Variants in NMRK2 observed in about 807,000 individuals in gnomAD.
NMRK2 encodes NRK 2.
In NMRK2, 34 loss-of-function variants were observed where a neutral mutation model predicts 24.7. The ratio of observed to expected loss-of-function variants is 1.37; its 90% CI spans 1.05 to 1.83. The LOEUF (loss-of-function observed/expected upper bound fraction) is 1.83, where lower values mean the gene tolerates loss of function less well. NMRK2 is among the 40% of genes most tolerant of loss of function. The probability of loss-of-function intolerance (pLI) is 0.00; values close to 1 mark genes in which losing one functional copy is unlikely to be tolerated. For synonymous variants in NMRK2, 145 were observed against 125.6 expected (o/e 1.15, Z -1.03); for missense variants, 341 against 315.0 (o/e 1.08, Z -0.62).
chr19:3,936,681 C>G lies in NMRK2; in HGVS notation c.117+16C>G. 3 of 1,545,282 alleles carry G rather than the reference C, an allele frequency of 1.9e-6. No individual in the cohort carries two copies. Among genetic ancestry groups the G allele is most frequent in the East Asian group, 2.4e-5 (1 of 41,276 alleles). On this transcript the variant is annotated intron_variant, in intron 3 of 7. Transcript: ENST00000168977. ...CTTCTTCAAGGTGCCCGCCCTTGCC[C>G]GGGGAGGTGGAGCTGAGAGGGGATG...
At position 3,939,940 on chromosome 19, in the gene NMRK2, G is replaced by A. The variant is rs144659918; in HGVS notation, c.364G>A (p.Val122Ile). The change falls in exon 6 of 8, where the codon GTC becomes ATC. Residue 122 changes from valine to isoleucine, a missense_variant. Val to Ile is a conservative substitution (Grantham distance 29). Coordinates refer to ENST00000168977, the MANE Select transcript of NMRK2 (RefSeq NM_170678.3). ...DLYSRRYFLTVPYEECKWRRS... is the reference protein window; with the variant it reads ...DLYSRRYFLTIPYEECKWRRS... Reference sequence around the variant, plus strand: ...GTACAGCCGCCGGTACTTCCTGACCGTCCCGTATGAAGAGTGCAAGTGGAG... The same window carrying A: ...GTACAGCCGCCGGTACTTCCTGACCATCCCGTATGAAGAGTGCAAGTGGAG... 9.8e-5 allele frequency: 158 copies of A among 1,613,662 alleles called. 4 individuals are homozygous for A. Among genetic ancestry groups the A allele is most frequent in the Admixed American group, 4.2e-4 (25 of 59,966 alleles).
At chr19:3,936,687 G>C (rs750622813) in intron 3 of NMRK2, 22 bp downstream of exon 3, 1 of 1,540,406 alleles carries the variant, frequency 6.5e-7, no homozygotes. Context: ...TGCCCGGGGA[G>C]GTGGAGCTGA....
rs2039328937 is a variant in NMRK2 at position 3,941,276 on chromosome 19, GTC to G, written c.502+102_502+103del. ...TTTTTTTTTTTTTTTTCAAGACAGA[GTC>G]TCACTCTGTCACCCAGGCTGGAGTA... On this transcript the variant is annotated intron_variant, in intron 7 of 7. Transcript: ENST00000168977. 1.1e-5 allele frequency: 7 copies of G among 629,126 alleles called. No homozygotes were observed. The South Asian group carries it at 1.4e-4, about 12-fold the overall frequency. The allele number at this position is 629,126 out of a possible 1,614,324, so 39.0% of individuals were successfully genotyped here.
intron 3 of NMRK2, 53 bp from the exon 4 acceptor site, chr19:3,937,187 G>C: frequency 6.3e-7 from 1 of 1,596,016 alleles, no homozygotes; most frequent in African/African-American, 1.3e-5. Context: ...ACCCAGGCCG[G>C]GGGTGAGGCA....
Position 3,939,954 on chromosome 19 carries a change from G to A in NMRK2, c.378G>A (p.Glu126=), listed in dbSNP as rs766236376. The change falls in exon 6 of 8, where the codon GAG becomes GAA. Residue 126 remains glutamate (E), a synonymous_variant. Transcript: ENST00000168977. ...RRYFLTVPYE[E]CKWRRSTRNY... ...ACTTCCTGACCGTCCCGTATGAAGAGTGCAAGTGGAGGAGAAGGTGCACTT... is the reference window on the plus strand; with the variant it reads ...ACTTCCTGACCGTCCCGTATGAAGAATGCAAGTGGAGGAGAAGGTGCACTT... 23 of 1,612,092 alleles carry A rather than the reference G, an allele frequency of 1.4e-5. No homozygotes were observed. The highest frequency in any genetic ancestry group is 1.8e-5 in the Non-Finnish European group (21 of 1,178,450).
At chr19:3,938,199 A>AG (rs2039250819) in intron 4 of NMRK2, among the ~76,000 whole-genome samples, 2 of 35,588 alleles carry the variant, frequency 5.6e-5, no homozygotes, top group Admixed American at 3.5e-4. Flanking sequence ...CTGTTCCCCC[A>AG]GGGTCCGCCC....
intron 7 of NMRK2, 125 bp from the exon 8 acceptor site, chr19:3,941,958 C>A: frequency 1.3e-6 from 1 of 742,650 alleles, no homozygotes; most frequent in Non-Finnish European, 2.2e-6. Flanking sequence ...GCTGTTGGTC[C>A]AGGAAACTGA....
Position 3,934,554 on chromosome 19 carries a change from G to GT in NMRK2, c.26+868dup, listed in dbSNP as rs34611890. Reference sequence around the variant, plus strand: ...AATTTCATATTTTTTGTTTTTTGGGGTTTTTTTTTTTGGGGGGGGGGTGTT... The same window carrying GT: ...AATTTCATATTTTTTGTTTTTTGGGGTTTTTTTTTTTTGGGGGGGGGGTGTT... On this transcript the variant is annotated intron_variant, in intron 2 of 7. Coordinates refer to ENST00000168977, the MANE Select transcript of NMRK2 (RefSeq NM_170678.3). Among the ~76,000 whole-genome samples the GT allele has an allele frequency of 9.1e-4, 130 of 143,642 alleles. 1 individual carries two copies. Among genetic ancestry groups the GT allele is most frequent in the African/African-American group, 3.0e-3 (115 of 38,688 alleles). 94.2% of individuals were successfully genotyped at this position (143,642 alleles called of 152,430 possible). A position where few individuals can be genotyped will look rare whatever the true frequency, so the allele number is the denominator to read the frequency against.
rs2039298643 is a variant in NMRK2 at position 3,939,913 on chromosome 19, T to C, written c.337T>C (p.Leu113=). 3 of 1,613,428 alleles carry C rather than the reference T, an allele frequency of 1.9e-6. No individual in the cohort carries two copies. Among genetic ancestry groups the C allele is most frequent in the African/African-American group, 2.7e-5 (2 of 74,896 alleles). ...CACTCCGCCCAGGCCCCTGGTGGAC[T>C]TGTACAGCCGCCGGTACTTCCTGAC... ...LLYSYKPLVD[L]YSRRYFLTVP... is the part of the protein sequence containing the mutation. The change falls in exon 6 of 8, where the codon TTG becomes CTG. Residue 113 remains leucine (L), a synonymous_variant. Coordinates refer to ENST00000168977, the MANE Select transcript of NMRK2 (RefSeq NM_170678.3).
At chr19:3,933,787 C>T (rs1288768747) in intron 2 of NMRK2, 90 bp downstream of exon 2, 3 of 1,268,406 alleles carry the variant, frequency 2.4e-6, no homozygotes, top group East Asian at 3.2e-5. Context: ...TGGAGGGATG[C>T]CTGGCGCCTG....
In NMRK2 at chr19:3,933,561, A is replaced by C. The variant is rs1180153575; in HGVS notation, c.-111A>C. 45 of 1,298,736 alleles carry C rather than the reference A, an allele frequency of 3.5e-5. No individual in the cohort carries two copies. The highest frequency in any genetic ancestry group is 4.0e-5 in the Non-Finnish European group (38 of 956,940). The allele number at this position is 1,298,736 out of a possible 1,614,324, so 80.5% of individuals were successfully genotyped here. A position where few individuals can be genotyped will look rare whatever the true frequency, so the allele number is the denominator to read the frequency against. Reference sequence around the variant, plus strand: ...CGGCCTCCAGGCTGCCGAGACCTATAAAGGCGCCAGGTTTTCTCAATGAAG... The same window carrying C: ...CGGCCTCCAGGCTGCCGAGACCTATCAAGGCGCCAGGTTTTCTCAATGAAG... On this transcript the variant is annotated 5_prime_UTR_variant, in exon 2 of 8. Transcript: ENST00000168977.
rs538400581 is a variant in NMRK2, at chr19:3,942,378, G to A, written c.*105G>A. 4.4e-5 allele frequency: 44 copies of A among 993,540 alleles called. No individual in the cohort carries two copies. Among genetic ancestry groups the A allele is most frequent in the Non-Finnish European group, 5.9e-5 (40 of 683,550 alleles). The allele number at this position is 993,540 out of a possible 1,614,324, so 61.5% of individuals were successfully genotyped here. On this transcript the variant is annotated 3_prime_UTR_variant, in exon 8 of 8. Transcript: ENST00000168977. ...AGCCCCAAGACGCCTCTGTAACCTC[G>A]CTGCAGCTTCAGTAGTAAACTGGGT...
At position 3,936,622 on chromosome 19, in the gene NMRK2, C is replaced by A. The variant is rs2039218452; in HGVS notation, c.74C>A (p.Ala25Asp). Residue 25 changes from alanine (A) to aspartate (D), a missense_variant, in exon 3 of 8, where the codon GCC becomes GAC. Coordinates refer to ENST00000168977, the MANE Select transcript of NMRK2 (RefSeq NM_170678.3). Reference protein sequence around the residue: ...KTTLTNSLLRALPNCCVIHQD... With the variant: ...KTTLTNSLLRDLPNCCVIHQD... ...ACGCTGACCAACAGCCTGCTCAGAGCCCTGCCCAACTGCTGCGTGATCCAT... is the reference window on the plus strand; with the variant it reads ...ACGCTGACCAACAGCCTGCTCAGAGACCTGCCCAACTGCTGCGTGATCCAT... The A allele has an allele frequency of 6.3e-7, 1 of 1,574,904 alleles. No homozygotes were observed. The highest frequency in any genetic ancestry group is 8.6e-7 in the Non-Finnish European group (1 of 1,160,674).
Position 3,942,217 on chromosome 19 carries a change from CGCGGAT to C in NMRK2, c.642_647del (p.Cys215_Gly216del). The C allele has an allele frequency of 6.2e-7, 1 of 1,612,808 alleles. No homozygotes were observed. The highest frequency in any genetic ancestry group is 1.1e-5 in the South Asian group (1 of 91,020). On this transcript the variant is annotated inframe_deletion, in exon 8 of 8. Coordinates refer to ENST00000168977, the MANE Select transcript of NMRK2 (RefSeq NM_170678.3). ...CCCAGCCAGGACACAGGGACCCGGA[CGCGGAT>C]GCGGCCACAGAACGGCCAGGCCTGC...
In NMRK2 at chr19:3,942,269, T is replaced by C. The variant is rs775016622; in HGVS notation, c.689T>C (p.Met230Thr). ...ARPAASQQDS[M>T] Reference sequence around the variant, plus strand: ...CCTGCAGCGTCCCAGCAGGACAGCATGTGAGCGTTTCCCTATGGGGGTGTC... The same window carrying C: ...CCTGCAGCGTCCCAGCAGGACAGCACGTGAGCGTTTCCCTATGGGGGTGTC... The change falls in exon 8 of 8, where the codon ATG becomes ACG. Residue 230 changes from methionine to threonine, a missense_variant. Physicochemically the swap from Met to Thr is moderately conservative, Grantham distance 81 (BLOSUM62 -1). Coordinates refer to ENST00000168977, the MANE Select transcript of NMRK2 (RefSeq NM_170678.3). The C allele has an allele frequency of 1.0e-5, 16 of 1,605,204 alleles. 1 individual carries two copies. In the African/African-American group the frequency reaches 1.5e-4, roughly 15 times the overall value.
chr19:3,941,240 C>T (rs1170760635), intron 7 of NMRK2, 63 bp downstream of exon 7: 2 of 841,448 alleles, frequency 2.4e-6, no homozygotes, highest in Admixed American at 5.1e-5. Flanking sequence ...GGGCCCAGCC[C>T]CTCTCCATCT....
Position 3,936,560 on chromosome 19 carries a change from A to G in NMRK2, c.27-15A>G, listed in dbSNP as rs1345965706. On this transcript the variant is annotated splice_polypyrimidine_tract_variant and intron_variant, in intron 2 of 7. Transcript: ENST00000168977. ...GGGGAGCCCAGGCAGTCTCATGCAC[A>G]CGCTGTCTCCCCAGCATGACCAACG... is the stretch of plus-strand genomic sequence containing the variant. 10 of 1,537,526 alleles carry G rather than the reference A, an allele frequency of 6.5e-6. No individual in the cohort carries two copies. Among genetic ancestry groups the G allele is most frequent in the Non-Finnish European group, 7.9e-6 (9 of 1,143,888 alleles).
intron 7 of NMRK2, 149 bp from the exon 8 acceptor site, chr19:3,941,934 C>T: frequency 3.1e-6 from 2 of 635,374 alleles, no homozygotes; most frequent in Admixed American, 2.8e-5. Context: ...AGCCACCGCG[C>T]CCGGCCCCCT....
intron 2 of NMRK2, among the ~76,000 whole-genome samples, chr19:3,935,533 G>A (rs2039198931): frequency 1.3e-5 from 2 of 151,806 alleles, no homozygotes; most frequent in Non-Finnish European, 2.9e-5. Context: ...TGAGATTACA[G>A]GCATGACCCA....
Sources: allele counts gnomAD v4.1 joint callset (sites outside exome capture counted in the v4.1 genomes callset), GRCh38; gene constraint gnomAD v4.1.1; transcripts MANE v1.5; gene names NCBI Gene and HGNC (gene_info 2026-07-23, HGNC 2026-07-21).